The following KIF6 variants were observed in gnomAD, a reference collection of about 807,000 sequenced individuals.
The protein encoded by KIF6 is kinesin-like protein KIF6.
In KIF6, 106 loss-of-function variants were observed where a neutral mutation model predicts 112.7. The observed-to-expected ratio is 0.94, with a 90% CI of 0.80 to 1.11. The LOEUF (loss-of-function observed/expected upper bound fraction) is 1.11, where lower values mean the gene tolerates loss of function less well. Among genes scored for constraint, KIF6 ranks in the 50% least tolerant of loss-of-function variants. The pLI is 0.00. For missense variants in KIF6, 929 were observed against 964.0 expected (o/e 0.96, Z 0.48); for synonymous variants, 339 against 339.9 (o/e 1.00, Z 0.03).
chr6:39,445,949 G>C (rs1463896504), intron 13 of KIF6, among the ~76,000 whole-genome samples: 1 of 152,210 alleles, frequency 6.6e-6, no homozygotes, highest in Non-Finnish European at 1.5e-5. Flanking sequence ...GTTTGCCCAA[G>C]GTATTCCCAG....
chr6:39,384,167 C>T (rs569889774), intron 16 of KIF6, among the ~76,000 whole-genome samples: 2 of 152,240 alleles, frequency 1.3e-5, no homozygotes, highest in Admixed American at 1.3e-4. Context: ...CTAGGACTTC[C>T]TACGTTGCTA....
At chr6:39,348,892 C>T (rs1039916250) in intron 19 of KIF6, among the ~76,000 whole-genome samples, 1 of 152,222 alleles carries the variant, frequency 6.6e-6, no homozygotes, top group African/African-American at 2.4e-5. Context: ...CCCTCGCTCT[C>T]TCACCCTGGC....
At chr6:39,684,794 A>G (rs1395477028) in intron 3 of KIF6, among the ~76,000 whole-genome samples, 1 of 152,006 alleles carries the variant, frequency 6.6e-6, no homozygotes, top group Non-Finnish European at 1.5e-5. Context: ...TGTCTCGAAA[A>G]AAAAAAAAAG....
intron 13 of KIF6, among the ~76,000 whole-genome samples, chr6:39,478,228 T>C (rs562684248): frequency 1.3e-5 from 2 of 152,118 alleles, no homozygotes; most frequent in South Asian, 4.2e-4. Context: ...CCAAAGTCCA[T>C]TGTGTCATTC....
intron 3 of KIF6, among the ~76,000 whole-genome samples, chr6:39,644,620 G>C (rs1336110764): frequency 6.8e-6 from 1 of 147,982 alleles, no homozygotes; most frequent in Non-Finnish European, 1.5e-5. Flanking sequence ...ATTCCATAGA[G>C]ATAGAAAGTA....
intron 15 of KIF6, among the ~76,000 whole-genome samples, chr6:39,407,469 C>T (rs1450913197): frequency 6.6e-6 from 1 of 152,144 alleles, no homozygotes; most frequent in African/African-American, 2.4e-5. Flanking sequence ...GCCCAAGGAT[C>T]CTAGTGTTTG....
At chr6:39,612,446 C>G (rs565851968) in intron 6 of KIF6, among the ~76,000 whole-genome samples, 1 of 152,152 alleles carries the variant, frequency 6.6e-6, no homozygotes, top group Admixed American at 6.5e-5. Context: ...AGCTTCATAA[C>G]CCTCCATCTG....
At chr6:39,612,639 C>A (rs1044841305) in intron 6 of KIF6, among the ~76,000 whole-genome samples, 18 of 152,110 alleles carry the variant, frequency 1.2e-4, no homozygotes, top group African/African-American at 4.3e-4. Flanking sequence ...GTGGTGTTAC[C>A]AGATATGCCA....
intron 13 of KIF6, among the ~76,000 whole-genome samples, chr6:39,502,045 GT>G (rs1776161667): frequency 1.3e-5 from 2 of 151,914 alleles, no homozygotes; most frequent in Non-Finnish European, 2.9e-5. Context: ...ATTCTCCAAG[GT>G]TGAAATGAAA....
intron 10 of KIF6, among the ~76,000 whole-genome samples, chr6:39,566,463 G>A (rs1018036437): frequency 2.0e-5 from 3 of 152,170 alleles, no homozygotes; most frequent in Non-Finnish European, 4.4e-5. Context: ...GTAAGAGTGT[G>A]GACAGTAAGA....
At chr6:39,562,647 T>G (rs1780072192) in intron 10 of KIF6, among the ~76,000 whole-genome samples, 1 of 152,224 alleles carries the variant, frequency 6.6e-6, no homozygotes, top group Non-Finnish European at 1.5e-5. Flanking sequence ...AAATTCTGAC[T>G]ATGCATCTAG....
At chr6:39,578,713 G>T (rs1223041189) in intron 9 of KIF6, among the ~76,000 whole-genome samples, 1 of 151,980 alleles carries the variant, frequency 6.6e-6, no homozygotes, top group Non-Finnish European at 1.5e-5. Context: ...CCTTCCTGGG[G>T]TGATCACTGT....
chr6:39,611,615 A>C (rs1275012243), intron 6 of KIF6, among the ~76,000 whole-genome samples: 2 of 152,200 alleles, frequency 1.3e-5, no homozygotes, highest in African/African-American at 4.8e-5. Flanking sequence ...GTTAGCACTG[A>C]GGCGGCAACA....
intron 13 of KIF6, among the ~76,000 whole-genome samples, chr6:39,477,699 A>G (rs952547927): frequency 6.6e-6 from 1 of 152,074 alleles, no homozygotes; most frequent in Non-Finnish European, 1.5e-5. Context: ...CATCTCTACT[A>G]AAAATACAAA....
chr6:39,411,586 G>A (rs1232578640), intron 15 of KIF6, among the ~76,000 whole-genome samples: 2 of 152,302 alleles, frequency 1.3e-5, no homozygotes, highest in Admixed American at 6.5e-5. Context: ...TGGTGAAAGA[G>A]GTATTGTGTG....
At chr6:39,531,916 C>G (rs1183774343) in intron 13 of KIF6, among the ~76,000 whole-genome samples, 6 of 152,262 alleles carry the variant, frequency 3.9e-5, no homozygotes, top group East Asian at 1.9e-4. Flanking sequence ...GTCGTCCCAG[C>G]CTTTCACTCC....
At chr6:39,613,842 A>G (rs140439104) in intron 5 of KIF6, among the ~76,000 whole-genome samples, 15 of 152,310 alleles carry the variant, frequency 9.8e-5, no homozygotes, top group African/African-American at 3.1e-4. Context: ...TTTTCTCATC[A>G]AGGTGAATAA....
intron 3 of KIF6, among the ~76,000 whole-genome samples, chr6:39,641,240 T>G (rs1242243468): frequency 2.6e-5 from 4 of 152,176 alleles, no homozygotes. Context: ...TTATTGATTC[T>G]TGATAGAAAG....
chr6:39,336,647 C>G, intron 22 of KIF6, 99 bp from the exon 23 acceptor site: 1 of 1,080,144 alleles, frequency 9.3e-7, no homozygotes, highest in South Asian at 1.3e-5. Flanking sequence ...AGCCACTCCC[C>G]CTGGGTCTTG....
Sources: gnomAD v4.1 joint callset for allele counts (sites outside exome capture counted in the v4.1 genomes callset) on GRCh38, gnomAD v4.1.1 for gene constraint, MANE v1.5 for transcripts, NCBI Gene and HGNC (gene_info 2026-07-23, HGNC 2026-07-21) for gene names.